The following CPNE8 variants were observed in gnomAD, a reference collection of about 807,000 sequenced individuals.
CPNE8 encodes the protein copine-8.
Under a neutral mutation model 81.5 loss-of-function variants are expected in CPNE8, and 45 were observed. The ratio of observed to expected loss-of-function variants is 0.55; its 90% CI spans 0.44 to 0.71. The LOEUF (loss-of-function observed/expected upper bound fraction) is 0.71, where lower values mean the gene tolerates loss of function less well. Ranked by LOEUF, CPNE8 falls within the 30% of genes least tolerant of loss-of-function variation. The pLI is 0.00. For missense variants in CPNE8, 594 were observed against 672.1 expected (o/e 0.88, Z 1.28); for synonymous variants, 252 against 226.3 (o/e 1.11, Z -1.02).
At chr12:38,886,223 G>C (rs1944235387) in intron 1 of CPNE8, among the ~76,000 whole-genome samples, 1 of 152,064 alleles carries the variant, frequency 6.6e-6, no homozygotes, top group Non-Finnish European at 1.5e-5. Context: ...ATTACAACTG[G>C]GAACCACCAG....
chr12:38,694,566 C>T (rs1343417589), intron 14 of CPNE8, among the ~76,000 whole-genome samples: 19 of 152,180 alleles, frequency 1.2e-4, no homozygotes. Flanking sequence ...TTATTATAGT[C>T]TGGGTCATCC....
Position 38,843,068 on chromosome 12 carries a change from T to C in CPNE8, c.291-3113A>G, listed in dbSNP as rs574610849. Among the ~76,000 whole-genome samples, 7 of 152,320 alleles carry C rather than the reference T, an allele frequency of 4.6e-5. No individual in the cohort carries two copies. The East Asian group carries it at 5.8e-4, about 13-fold the overall frequency. On this transcript the variant is annotated intron_variant, in intron 4 of 19. Transcript: ENST00000331366. ...TTAAGGAAGACAGAATATATGATCA[T>C]GGAGGAAGCTTGGTAGTTTCTCCTA... is the stretch of plus-strand genomic sequence containing the variant.
intron 6 of CPNE8, among the ~76,000 whole-genome samples, chr12:38,785,414 T>C (rs1382082366): frequency 1.3e-5 from 2 of 151,994 alleles, no homozygotes; most frequent in African/African-American, 4.8e-5. Flanking sequence ...TCATCTTGAA[T>C]TATAGCTCCC....
chr12:38,814,926 T>A (rs1441470183), intron 6 of CPNE8, among the ~76,000 whole-genome samples: 1 of 152,204 alleles, frequency 6.6e-6, no homozygotes, highest in Non-Finnish European at 1.5e-5. Context: ...CAATTTTAAC[T>A]TTATATATAT....
chr12:38,773,602 C>T (rs910574125), intron 7 of CPNE8, among the ~76,000 whole-genome samples: 1 of 152,104 alleles, frequency 6.6e-6, no homozygotes, highest in Non-Finnish European at 1.5e-5. Context: ...TGAGCTGACT[C>T]TAAAGCTTAT....
intron 10 of CPNE8, among the ~76,000 whole-genome samples, chr12:38,746,705 T>G (rs1941233448): frequency 6.6e-6 from 1 of 152,234 alleles, no homozygotes; most frequent in African/African-American, 2.4e-5. Context: ...ACATTGGAGA[T>G]GCTAACAGGA....
intron 6 of CPNE8, among the ~76,000 whole-genome samples, chr12:38,791,767 A>G (rs1942328987): frequency 6.6e-6 from 1 of 151,692 alleles, no homozygotes; most frequent in Non-Finnish European, 1.5e-5. Flanking sequence ...ATGTCACTCA[A>G]TAACAATGAA....
intron 3 of CPNE8, among the ~76,000 whole-genome samples, chr12:38,866,627 C>T (rs1943917356): frequency 3.3e-5 from 5 of 152,224 alleles, no homozygotes; most frequent in Admixed American, 3.3e-4. Flanking sequence ...AATTCCAAAA[C>T]ATGTAGTTAA....
At chr12:38,785,504 G>C (rs895515021) in intron 6 of CPNE8, among the ~76,000 whole-genome samples, 1 of 152,138 alleles carries the variant, frequency 6.6e-6, no homozygotes, top group Non-Finnish European at 1.5e-5. Flanking sequence ...CTGTTCTTGT[G>C]ATAGTGAATA....
intron 3 of CPNE8, among the ~76,000 whole-genome samples, chr12:38,868,634 C>T (rs1340925440): frequency 6.6e-6 from 1 of 152,158 alleles, no homozygotes; most frequent in Non-Finnish European, 1.5e-5. Context: ...GGATACAGCT[C>T]TGAAAAACCT....
chr12:38,737,245 C>T (rs966611989), intron 10 of CPNE8, among the ~76,000 whole-genome samples: 9 of 151,902 alleles, frequency 5.9e-5, no homozygotes. Flanking sequence ...GCTACTAAAT[C>T]TGTATTCTTG....
chr12:38,811,240 T>G (rs1336088345), intron 6 of CPNE8, among the ~76,000 whole-genome samples: 1 of 151,672 alleles, frequency 6.6e-6, no homozygotes, highest in Non-Finnish European at 1.5e-5. Flanking sequence ...TAAAAACTAC[T>G]AAAAAAGCCT....
chr12:38,901,085 G>C (rs1361004509), intron 1 of CPNE8, among the ~76,000 whole-genome samples: 1 of 152,162 alleles, frequency 6.6e-6, no homozygotes, highest in Non-Finnish European at 1.5e-5. Flanking sequence ...GCTGGGCGTG[G>C]TGGTAGGCAC....
Position 38,652,620 on chromosome 12 carries a change from A to G in CPNE8, c.*1262T>C, listed in dbSNP as rs777408836. On this transcript the variant is annotated 3_prime_UTR_variant, in exon 20 of 20. Coordinates refer to ENST00000331366, the MANE Select transcript of CPNE8 (RefSeq NM_153634.3). ...TTGACACACACACACACACAAATAAATACACTTTTCTATTATTTGAAGGCA... is the reference window on the plus strand; with the variant it reads ...TTGACACACACACACACACAAATAAGTACACTTTTCTATTATTTGAAGGCA... The G allele has an allele frequency of 1.9e-4, 29 of 152,594 alleles. No individual in the cohort carries two copies. Among genetic ancestry groups the G allele is most frequent in the Non-Finnish European group, 3.5e-4 (24 of 68,020 alleles). 9.5% of individuals were successfully genotyped at this position (152,594 alleles called of 1,614,324 possible).
At chr12:38,751,974 C>G (rs1262619471) in intron 10 of CPNE8, among the ~76,000 whole-genome samples, 8 of 152,108 alleles carry the variant, frequency 5.3e-5, no homozygotes, top group Admixed American at 5.2e-4. Context: ...TATCTGTTTA[C>G]TTTTAAAAAA....
chr12:38,870,869 T>C (rs1943981484), intron 3 of CPNE8, among the ~76,000 whole-genome samples: 1 of 151,678 alleles, frequency 6.6e-6, no homozygotes, highest in Admixed American at 6.6e-5. Context: ...AAATTCCCAC[T>C]TTGTCATTTA....
At chr12:38,809,348 G>A (rs1448489420) in intron 6 of CPNE8, among the ~76,000 whole-genome samples, 1 of 152,206 alleles carries the variant, frequency 6.6e-6, no homozygotes, top group Non-Finnish European at 1.5e-5. Flanking sequence ...CAAGTAGGTT[G>A]AGTGCCTCTC....
In CPNE8 at chr12:38,655,973, GA is replaced by G. The variant is rs5797586; in HGVS notation, c.1507-1904del. Among the ~76,000 whole-genome samples the G allele has an allele frequency of 2.2e-4, 32 of 145,736 alleles. No individual in the cohort carries two copies. In the East Asian group the frequency reaches 2.4e-3, roughly 11 times the overall value. On this transcript the variant is annotated intron_variant, in intron 19 of 19. Coordinates refer to ENST00000331366, the MANE Select transcript of CPNE8 (RefSeq NM_153634.3). ...AAGAAAGGCAGCTTGCTAAGGATGTGAAAAAAAAAAAACTAACAATAAATGC... is the reference window on the plus strand; with the variant it reads ...AAGAAAGGCAGCTTGCTAAGGATGTGAAAAAAAAAAACTAACAATAAATGC...
chr12:38,806,323 C>A (rs1466496100), intron 6 of CPNE8, among the ~76,000 whole-genome samples: 2 of 149,886 alleles, frequency 1.3e-5, no homozygotes, highest in Admixed American at 1.3e-4. Flanking sequence ...AGACCAATAT[C>A]CTTGATGAAC....
Sources: allele counts gnomAD v4.1 joint callset (sites outside exome capture counted in the v4.1 genomes callset), GRCh38; gene constraint gnomAD v4.1.1; transcripts MANE v1.5; gene names NCBI Gene and HGNC (gene_info 2026-07-23, HGNC 2026-07-21).